The following GOLGA3 variants were observed in gnomAD, a reference collection of about 807,000 sequenced individuals.
GOLGA3 encodes the protein golgin A3.
GOLGA3 carries 75 observed loss-of-function variants against 169.4 expected under a neutral mutation model. The ratio of observed to expected loss-of-function variants is 0.44; its 90% CI spans 0.37 to 0.54. The LOEUF is 0.54. GOLGA3 is among the 20% of genes least tolerant of loss of function. GOLGA3 has a pLI of 0.00. For synonymous variants in GOLGA3, 824 were observed against 822.4 expected (o/e 1.00, Z -0.03); for missense variants, 1,899 against 1,930.0 (o/e 0.98, Z 0.30).
At chr12:132,801,711 G>A (rs1356768740) in intron 8 of GOLGA3, 56 bp downstream of exon 8, 52 of 1,498,616 alleles carry the variant, frequency 3.5e-5, no homozygotes, top group African/African-American at 1.4e-4. Context: ...AAAAAGCACC[G>A]TTCTACATGA....
At chr12:132,791,805 C>T (rs2046250634) in intron 11 of GOLGA3, among the ~76,000 whole-genome samples, 1 of 135,050 alleles carries the variant, frequency 7.4e-6, no homozygotes, top group Admixed American at 7.3e-5. Flanking sequence ...GCCACATCTG[C>T]AGCGATGTTA....
intron 13 of GOLGA3, among the ~76,000 whole-genome samples, chr12:132,787,119 A>C (rs1291406696): frequency 2.0e-5 from 3 of 151,916 alleles, no homozygotes; most frequent in Admixed American, 6.6e-5. Flanking sequence ...ATGCCCAGCT[A>C]ATTTTTGTAT....
intron 7 of GOLGA3, among the ~76,000 whole-genome samples, chr12:132,803,665 C>T (rs948721538): frequency 6.7e-6 from 1 of 149,040 alleles, no homozygotes; most frequent in Non-Finnish European, 1.5e-5. Flanking sequence ...TACTGTCTCT[C>T]GGCCGGCTTT....
chr12:132,800,535 T>C (rs1368511860), intron 8 of GOLGA3, among the ~76,000 whole-genome samples: 2 of 152,170 alleles, frequency 1.3e-5, no homozygotes. Context: ...AAAAGTTCTA[T>C]TGTGTATATT....
Position 132,789,047 on chromosome 12 carries a change from C to T in GOLGA3, c.2791G>A (p.Glu931Lys), listed in dbSNP as rs772025497. The change falls in exon 13 of 24, where the codon GAG becomes AAG. Residue 931 changes from glutamate (E) to lysine (K), a missense_variant. Transcript: ENST00000450791. ...HLQSAQKERD[E>K]METHLQSLQF... ...CAGACCTGCAAGTGTGTTTCCATCT[C>T]GTCTCGCTCCTTCTGCGCCGACTGG... 20 of 1,578,288 alleles carry T rather than the reference C, an allele frequency of 1.3e-5. 1 individual carries two copies. The highest frequency in any genetic ancestry group is 8.1e-5 in the South Asian group (7 of 86,818).
intron 18 of GOLGA3, 49 bp downstream of exon 18, chr12:132,780,749 C>A: frequency 8.8e-7 from 1 of 1,136,850 alleles, no homozygotes; most frequent in Non-Finnish European, 1.3e-6. Context: ...GATTTCTAGG[C>A]ACTGGAGCGT....
intron 8 of GOLGA3, 152 bp downstream of exon 8, chr12:132,801,615 C>T (rs112635699): frequency 2.7e-5 from 20 of 742,720 alleles, no homozygotes; most frequent in Non-Finnish European, 3.6e-5. Flanking sequence ...GCATACGACA[C>T]GTCCTACATG....
Position 132,822,006 on chromosome 12 carries a change from G to A in GOLGA3, c.123C>T (p.Asp41=). The A allele has an allele frequency of 6.2e-6, 10 of 1,606,512 alleles. No individual in the cohort carries two copies. Among genetic ancestry groups the A allele is most frequent in the South Asian group, 1.1e-5 (1 of 90,462 alleles). ...PGPLVPPDQQ[D]KVQCAEVNRA... is the part of the protein sequence containing the mutation. ...AACCTCACGACTTACACTGGACTTT[G>A]TCCTGCTGGTCAGGTGGCACCAGTG... The change falls in exon 2 of 24, where the codon GAC becomes GAT. Residue 41 remains aspartate, a synonymous_variant. Coordinates refer to ENST00000450791, the MANE Select transcript of GOLGA3 (RefSeq NM_001389683.1).
Position 132,770,826 on chromosome 12 carries a change from G to A in GOLGA3, c.*2279C>T, listed in dbSNP as rs1403248721. The A allele has an allele frequency of 6.6e-6, 1 of 152,136 alleles. No individual in the cohort carries two copies. Among genetic ancestry groups the A allele is most frequent in the South Asian group, 2.1e-4 (1 of 4,802 alleles). 9.4% of individuals were successfully genotyped at this position (152,136 alleles called of 1,614,324 possible). A position where few individuals can be genotyped will look rare whatever the true frequency, so the allele number is the denominator to read the frequency against. On this transcript the variant is annotated 3_prime_UTR_variant, in exon 24 of 24. Transcript: ENST00000450791. Reference sequence around the variant, plus strand: ...ATTTTTGTATGTTTAGTAAAGACGGGGTTTTGCCATGTTGGCCAGGATGGT... The same window carrying A: ...ATTTTTGTATGTTTAGTAAAGACGGAGTTTTGCCATGTTGGCCAGGATGGT...
chr12:132,773,032 A>T lies in GOLGA3; in HGVS notation c.*73T>A. ...AATTTCATGTCTTAGAAAAACATCG[A>T]CCACACAATCAAATAAATAACATTG... On this transcript the variant is annotated 3_prime_UTR_variant, in exon 24 of 24. Transcript: ENST00000450791. The T allele has an allele frequency of 8.9e-7, 1 of 1,118,070 alleles. No individual in the cohort carries two copies. The allele number at this position is 1,118,070 out of a possible 1,614,324, so 69.3% of individuals were successfully genotyped here.
At chr12:132,809,473 G>C (rs1314039250) in intron 4 of GOLGA3, among the ~76,000 whole-genome samples, 1 of 140,746 alleles carries the variant, frequency 7.1e-6, no homozygotes, top group Non-Finnish European at 1.5e-5. Flanking sequence ...GCTAAGTAGT[G>C]GGTGTTGTTC....
chr12:132,805,818 T>G (rs1949368125), intron 6 of GOLGA3, among the ~76,000 whole-genome samples: 1 of 152,066 alleles, frequency 6.6e-6, no homozygotes, highest in South Asian at 2.1e-4. Flanking sequence ...ACACCAAACG[T>G]GTACACGGGT....
At chr12:132,784,773 ACAC>A (rs2045809553) in intron 15 of GOLGA3, among the ~76,000 whole-genome samples, 1 of 137,154 alleles carries the variant, frequency 7.3e-6, no homozygotes, top group South Asian at 2.3e-4. Flanking sequence ...TTCACACCCC[ACAC>A]CACACATGCA....
chr12:132,778,231 C>T (rs765745976), intron 18 of GOLGA3, among the ~76,000 whole-genome samples: 69 of 151,924 alleles, frequency 4.5e-4, no homozygotes, highest in Non-Finnish European at 8.1e-4. Flanking sequence ...GAGCTGTGAT[C>T]GCGCCACTGC....
intron 1 of GOLGA3, chr12:132,825,852 C>A (rs767881123): frequency 3.0e-6 from 3 of 987,738 alleles, no homozygotes; most frequent in Non-Finnish European, 4.9e-6. Context: ...AAAGAGGCTA[C>A]TGAGGGCACC....
chr12:132,828,611 G>A (rs760295556), intron 1 of GOLGA3, 192 bp downstream of exon 1: 1 of 152,300 alleles, frequency 6.6e-6, no homozygotes, highest in Non-Finnish European at 1.5e-5. Flanking sequence ...CGCCGCAGCT[G>A]AAGGCGGGCG....
intron 1 of GOLGA3, among the ~76,000 whole-genome samples, chr12:132,826,608 G>T (rs534246212): frequency 6.6e-6 from 1 of 152,074 alleles, no homozygotes; most frequent in South Asian, 2.1e-4. Context: ...ACCCCATGAC[G>T]GTGACTGTAA....
At chr12:132,795,410 T>C (rs1184816483) in intron 11 of GOLGA3, among the ~76,000 whole-genome samples, 4 of 151,976 alleles carry the variant, frequency 2.6e-5, no homozygotes, top group African/African-American at 9.7e-5. Context: ...GCGGATCACT[T>C]GAGGTTAGGA....
chr12:132,798,477 C>A lies in GOLGA3; in HGVS notation c.1801G>T (p.Val601Phe). 1 of 1,590,406 alleles carries A rather than the reference C, an allele frequency of 6.3e-7. No homozygotes were observed. ...RLQGEMAHIQ[V>F]GQMTQAGLLE... ...AGACCTGCCTGGGTCATCTGTCCAA[C>A]CTTAAAAAAAAAACCCACAAAGTAA... Residue 601 changes from valine (V) to phenylalanine (F), a missense_variant and splice_region_variant, in exon 9 of 24, where the codon GTT becomes TTT. By Grantham distance (50) the Val-to-Phe change is conservative (BLOSUM62 -1). Transcript: ENST00000450791.
Sources: gnomAD v4.1 joint callset for allele counts (sites outside exome capture counted in the v4.1 genomes callset) on GRCh38, gnomAD v4.1.1 for gene constraint, MANE v1.5 for transcripts, NCBI Gene and HGNC (gene_info 2026-07-23, HGNC 2026-07-21) for gene names.